Variants in PTPRD observed in about 807,000 individuals in gnomAD.
PTPRD encodes the protein receptor-type tyrosine-protein phosphatase delta.
A neutral mutation model predicts 214.5 loss-of-function variants in PTPRD; 34 were observed. That is an observed-to-expected ratio of 0.16 (90% CI 0.12 to 0.21). The LOEUF is 0.21. Ranked by LOEUF, PTPRD falls within the 10% of genes least tolerant of loss-of-function variation. The probability of loss-of-function intolerance (pLI) is 1.00; values close to 1 mark genes in which losing one functional copy is unlikely to be tolerated. For missense variants in PTPRD, 2,545 were observed against 2,398.7 expected, an observed-to-expected ratio of 1.06 and a Z score of -1.27; for synonymous variants, 1,128 against 845.7, an observed-to-expected ratio of 1.33 and a Z score of -5.79.
At chr9:10,167,721 C>T (rs979110731) in intron 3 of PTPRD, among the ~76,000 whole-genome samples, 1 of 152,120 alleles carries the variant, frequency 6.6e-6, no homozygotes, top group Non-Finnish European at 1.5e-5. Context: ...CTAGATAAAG[C>T]CCAAATTCAC....
chr9:9,149,986 A>C (rs959841677), intron 10 of PTPRD, among the ~76,000 whole-genome samples: 4 of 152,178 alleles, frequency 2.6e-5, no homozygotes, highest in Non-Finnish European at 5.9e-5. Flanking sequence ...ATGAAGACCC[A>C]TTTTACAAAC....
intron 4 of PTPRD, among the ~76,000 whole-genome samples, chr9:10,029,790 G>A (rs2097018107): frequency 6.6e-6 from 1 of 152,158 alleles, no homozygotes; most frequent in Non-Finnish European, 1.5e-5. Context: ...AAGACTTCGA[G>A]GGTCTGTTAG....
intron 5 of PTPRD, among the ~76,000 whole-genome samples, chr9:9,853,853 C>A (rs1443923514): frequency 1.3e-5 from 2 of 152,082 alleles, no homozygotes; most frequent in Non-Finnish European, 2.9e-5. Context: ...ACCACGCCAG[C>A]CCAGTTATTT....
At chr9:10,149,469 G>C (rs1235112817) in intron 3 of PTPRD, among the ~76,000 whole-genome samples, 1 of 152,068 alleles carries the variant, frequency 6.6e-6, no homozygotes, top group Non-Finnish European at 1.5e-5. Flanking sequence ...GACAAGAGTT[G>C]GCTTTAAATG....
chr9:8,868,821 C>T (rs895099967), intron 11 of PTPRD, among the ~76,000 whole-genome samples: 14 of 152,026 alleles, frequency 9.2e-5, no homozygotes, highest in East Asian at 1.9e-4. Flanking sequence ...CCATTCATCC[C>T]GCTGCTCATT....
chr9:8,940,059 A>C (rs1372905778), intron 11 of PTPRD, among the ~76,000 whole-genome samples: 1 of 14,908 alleles, frequency 6.7e-5, no homozygotes, highest in Non-Finnish European at 1.5e-4. Flanking sequence ...AACTACAAAT[A>C]AGTTTGGAAA....
intron 5 of PTPRD, among the ~76,000 whole-genome samples, chr9:9,883,865 G>A (rs1252251631): frequency 2.0e-5 from 3 of 152,072 alleles, no homozygotes; most frequent in Non-Finnish European, 4.4e-5. Flanking sequence ...CATTTCCAAT[G>A]TCATGCAGCA....
chr9:9,323,847 G>A (rs1456095004), intron 9 of PTPRD, among the ~76,000 whole-genome samples: 4 of 151,844 alleles, frequency 2.6e-5, no homozygotes, highest in Admixed American at 6.6e-5. Context: ...CCCCATCCCC[G>A]CACCCCACAA....
At chr9:10,319,340 T>G (rs2096506822) in intron 3 of PTPRD, among the ~76,000 whole-genome samples, 1 of 152,128 alleles carries the variant, frequency 6.6e-6, no homozygotes, top group Non-Finnish European at 1.5e-5. Flanking sequence ...AGTCAGTTAT[T>G]GCATTAGATT....
At chr9:9,724,064 G>A (rs1187695926) in intron 7 of PTPRD, among the ~76,000 whole-genome samples, 1 of 151,872 alleles carries the variant, frequency 6.6e-6, no homozygotes, top group Non-Finnish European at 1.5e-5. Context: ...TATCACTCCT[G>A]GCCAAAATTA....
intron 3 of PTPRD, among the ~76,000 whole-genome samples, chr9:10,263,755 A>AG (rs1278131077): frequency 6.6e-6 from 1 of 152,154 alleles, no homozygotes; most frequent in African/African-American, 2.4e-5. Flanking sequence ...AATAACAAGG[A>AG]GCCCAATGTT....
intron 2 of PTPRD, among the ~76,000 whole-genome samples, chr9:10,554,236 T>A (rs1184655160): frequency 6.6e-6 from 1 of 152,214 alleles, no homozygotes; most frequent in Non-Finnish European, 1.5e-5. Flanking sequence ...TGGCTCTTTT[T>A]CAGGATGTTA....
intron 5 of PTPRD, among the ~76,000 whole-genome samples, chr9:9,889,944 T>A (rs999205703): frequency 4.0e-5 from 6 of 151,720 alleles, no homozygotes; most frequent in African/African-American, 1.2e-4. Flanking sequence ...CGGCAGAGGG[T>A]GAATTATCAG....
chr9:8,771,079 G>A (rs1336319591), intron 11 of PTPRD, among the ~76,000 whole-genome samples: 2 of 151,594 alleles, frequency 1.3e-5, no homozygotes, highest in African/African-American at 4.9e-5. Context: ...TACTTGGGAG[G>A]CTGAGGCAGG....
At chr9:8,570,855 G>C (rs948992776) in intron 14 of PTPRD, among the ~76,000 whole-genome samples, 3 of 151,848 alleles carry the variant, frequency 2.0e-5, no homozygotes, top group Admixed American at 6.6e-5. Flanking sequence ...CCAAGGTCAG[G>C]AGAAAATTAA....
intron 35 of PTPRD, among the ~76,000 whole-genome samples, chr9:8,429,187 C>T (rs2094887092): frequency 1.3e-5 from 2 of 152,136 alleles, no homozygotes; most frequent in South Asian, 4.2e-4. Flanking sequence ...TGAACTCTAT[C>T]ATCAGGGCAT....
At chr9:10,249,156 T>C (rs1200856281) in intron 3 of PTPRD, among the ~76,000 whole-genome samples, 1 of 152,168 alleles carries the variant, frequency 6.6e-6, no homozygotes. Flanking sequence ...GAGACATCTA[T>C]GCTTTTATCT....
At chr9:9,319,111 C>A (rs1965059264) in intron 9 of PTPRD, among the ~76,000 whole-genome samples, 1 of 152,166 alleles carries the variant, frequency 6.6e-6, no homozygotes, top group Non-Finnish European at 1.5e-5. Context: ...TAAATAGATT[C>A]TTAATCTGCA....
In PTPRD at chr9:10,334,250, G is replaced by C. The variant is rs563336881; in HGVS notation, c.-545+6713C>G. On this transcript the variant is annotated intron_variant, in intron 3 of 45. Transcript: ENST00000381196. The stretch of plus-strand genomic sequence containing the variant: ...AATATACCTATATGTTATATCAAAT[G>C]TTAAAAGGTGACTTTTCTTTATCAC... Among the ~76,000 whole-genome samples, 7 of 151,780 alleles carry C rather than the reference G, an allele frequency of 4.6e-5. No homozygotes were observed. In the South Asian group the frequency reaches 1.5e-3, roughly 32 times the overall value.
Sources: gnomAD v4.1 joint callset for allele counts (sites outside exome capture counted in the v4.1 genomes callset) on GRCh38, gnomAD v4.1.1 for gene constraint, MANE v1.5 for transcripts, NCBI Gene and HGNC (gene_info 2026-07-23, HGNC 2026-07-21) for gene names.